Variants in CACNA2D3 observed in about 807,000 individuals in gnomAD.
The protein encoded by CACNA2D3 is calcium voltage-gated channel auxiliary subunit alpha2delta 3.
Under a neutral mutation model 160.6 loss-of-function variants are expected in CACNA2D3, and 60 were observed. The observed-to-expected ratio is 0.37, with a 90% CI of 0.30 to 0.46. The LOEUF (loss-of-function observed/expected upper bound fraction) is 0.46, where lower values mean the gene tolerates loss of function less well. CACNA2D3 is among the 20% of genes least tolerant of loss of function. CACNA2D3 has a pLI of 1.00. For synonymous variants in CACNA2D3, 558 were observed against 492.9 expected, an observed-to-expected ratio of 1.13 and a Z score of -1.75; for missense variants, 1,205 against 1,365.0, an observed-to-expected ratio of 0.88 and a Z score of 1.85.
chr3:54,533,906 G>A (rs755841991), intron 5 of CACNA2D3, among the ~76,000 whole-genome samples: 1 of 152,002 alleles, frequency 6.6e-6, no homozygotes, highest in Non-Finnish European at 1.5e-5. Flanking sequence ...ATATACAGGT[G>A]TTCTTTGTGC....
intron 11 of CACNA2D3, among the ~76,000 whole-genome samples, chr3:54,735,071 G>A (rs553351257): frequency 3.9e-5 from 6 of 152,188 alleles, no homozygotes; most frequent in African/African-American, 9.6e-5. Flanking sequence ...TTCTTCAGCC[G>A]CTAAAGAAGA....
Position 54,600,209 on chromosome 3 carries a change from C to A in CACNA2D3, c.963+18332C>A, listed in dbSNP as rs375393867. ...AAGGTCTGAAAAATAGTGGAAGAAA[C>A]CTCCTGCAGCTTTACTCCCACCTGC... On this transcript the variant is annotated intron_variant, in intron 9 of 37. Transcript: ENST00000474759. 9.2e-5 allele frequency among the ~76,000 whole-genome samples: 14 copies of A among 152,184 alleles called. 1 individual carries two copies. The highest frequency in any genetic ancestry group is 3.4e-4 in the African/African-American group (14 of 41,520).
intron 13 of CACNA2D3, among the ~76,000 whole-genome samples, chr3:54,766,548 G>T (rs563420860): frequency 1.3e-5 from 2 of 152,304 alleles, no homozygotes; most frequent in South Asian, 4.1e-4. Context: ...CTCTATGGAA[G>T]TTAATTTGCA....
rs556496554 is a variant in CACNA2D3 at position 54,897,009 on chromosome 3, G to T, written c.2368+139G>T. ...AGAGCCAGTGCTGAATATTGGGTCAGCCCTGAACCAGTGACCAGTTCCATA... is the reference window on the plus strand; with the variant it reads ...AGAGCCAGTGCTGAATATTGGGTCATCCCTGAACCAGTGACCAGTTCCATA... On this transcript the variant is annotated intron_variant, in intron 26 of 37. Transcript: ENST00000474759. The T allele has an allele frequency of 8.3e-5, 86 of 1,036,918 alleles. 2 individuals carry two copies. The South Asian group carries it at 1.3e-3, about 16-fold the overall frequency. The allele number at this position is 1,036,918 out of a possible 1,614,324, so 64.2% of individuals were successfully genotyped here.
intron 27 of CACNA2D3, among the ~76,000 whole-genome samples, chr3:54,929,578 G>A (rs1701132765): frequency 1.3e-5 from 2 of 152,072 alleles, no homozygotes; most frequent in African/African-American, 4.8e-5. Flanking sequence ...TATTCATCCT[G>A]CCTCTTCCAG....
At chr3:54,693,362 C>T (rs1700602928) in intron 11 of CACNA2D3, among the ~76,000 whole-genome samples, 1 of 152,186 alleles carries the variant, frequency 6.6e-6, no homozygotes. Context: ...CTGCAGCCAT[C>T]CTGACATGTT....
chr3:55,028,234 A>G (rs543508650), intron 35 of CACNA2D3, among the ~76,000 whole-genome samples: 2 of 152,224 alleles, frequency 1.3e-5, no homozygotes, highest in African/African-American at 2.4e-5. Context: ...TGTCTATAGC[A>G]TAGACAGATC....
chr3:54,764,472 T>C, intron 13 of CACNA2D3, 121 bp downstream of exon 13: 1 of 1,261,570 alleles, frequency 7.9e-7, no homozygotes, highest in East Asian at 2.5e-5. Context: ...CTTTTCTTGA[T>C]TGTTTGTATA....
At chr3:54,623,619 C>T (rs1699036786) in intron 9 of CACNA2D3, among the ~76,000 whole-genome samples, 3 of 152,256 alleles carry the variant, frequency 2.0e-5, no homozygotes, top group Middle Eastern at 6.8e-3. Context: ...ACCATTAGTC[C>T]ATGGCTTGAT....
chr3:54,330,503 C>T (rs967583688), intron 3 of CACNA2D3, among the ~76,000 whole-genome samples: 2 of 152,194 alleles, frequency 1.3e-5, no homozygotes, highest in Admixed American at 6.5e-5. Context: ...GGTGTTTCTG[C>T]AGACACTGGA....
intron 35 of CACNA2D3, among the ~76,000 whole-genome samples, chr3:55,065,613 G>A (rs527575775): frequency 6.6e-6 from 1 of 151,844 alleles, no homozygotes; most frequent in African/African-American, 2.4e-5. Context: ...GCTGCAGTGA[G>A]CTACGATTGC....
intron 11 of CACNA2D3, among the ~76,000 whole-genome samples, chr3:54,739,461 C>A (rs1315349739): frequency 1.4e-5 from 2 of 144,116 alleles, no homozygotes; most frequent in African/African-American, 5.2e-5. Flanking sequence ...AAACCACACA[C>A]ACACACACAC....
At chr3:54,583,317 T>C (rs1356657349) in intron 9 of CACNA2D3, among the ~76,000 whole-genome samples, 4 of 152,160 alleles carry the variant, frequency 2.6e-5, no homozygotes, top group African/African-American at 4.8e-5. Flanking sequence ...TGAAAAAAAG[T>C]CATTAGAGGA....
At chr3:54,615,026 C>G (rs1363488290) in intron 9 of CACNA2D3, among the ~76,000 whole-genome samples, 2 of 152,110 alleles carry the variant, frequency 1.3e-5, no homozygotes, top group South Asian at 2.1e-4. Flanking sequence ...TTTTGAAAAC[C>G]AGTAAAGAAA....
chr3:54,625,216 T>C (rs2106811717), intron 9 of CACNA2D3, among the ~76,000 whole-genome samples: 1 of 152,316 alleles, frequency 6.6e-6, no homozygotes, highest in African/African-American at 2.4e-5. Flanking sequence ...AAAGTGAGCA[T>C]TCTGGAGCCA....
chr3:54,913,257 A>AT (rs1186952740), intron 27 of CACNA2D3, among the ~76,000 whole-genome samples: 1 of 151,998 alleles, frequency 6.6e-6, no homozygotes, highest in Non-Finnish European at 1.5e-5. Context: ...TAATTTTTGC[A>AT]TTTTTTGTAG....
At chr3:54,433,812 C>T (rs116099430) in intron 4 of CACNA2D3, among the ~76,000 whole-genome samples, 5 of 152,066 alleles carry the variant, frequency 3.3e-5, no homozygotes, top group South Asian at 2.1e-4. Flanking sequence ...AGACAAAGGA[C>T]GAGGAAAAGG....
intron 29 of CACNA2D3, among the ~76,000 whole-genome samples, chr3:54,975,338 G>A (rs1000715525): frequency 2.0e-5 from 3 of 152,080 alleles, no homozygotes; most frequent in African/African-American, 4.8e-5. Context: ...GGCCAACATG[G>A]TGAAATCCCG....
chr3:54,778,226 G>T (rs1403576066), intron 13 of CACNA2D3, among the ~76,000 whole-genome samples: 1 of 152,024 alleles, frequency 6.6e-6, no homozygotes, highest in African/African-American at 2.4e-5. Flanking sequence ...GAACAGCAAG[G>T]GGGGACATCA....
Sources: allele counts gnomAD v4.1 joint callset (sites outside exome capture counted in the v4.1 genomes callset), GRCh38; gene constraint gnomAD v4.1.1; transcripts MANE v1.5; gene names NCBI Gene and HGNC (gene_info 2026-07-23, HGNC 2026-07-21).